The following LONRF1 variants were observed in gnomAD, a reference collection of about 807,000 sequenced individuals.
LONRF1 encodes LON peptidase N-terminal domain and ring finger 1.
Under a neutral mutation model 85.8 loss-of-function variants are expected in LONRF1, and 37 were observed. The observed-to-expected ratio is 0.43, with a 90% confidence interval of 0.33 to 0.57. The LOEUF is 0.57. Ranked by LOEUF, LONRF1 falls within the 20% of genes least tolerant of loss-of-function variation. The pLI, the probability that LONRF1 is intolerant of heterozygous loss-of-function variation, is 0.04. For synonymous variants in LONRF1, 517 were observed against 390.1 expected (o/e 1.33, Z -3.83); for missense variants, 1,036 against 978.0 (o/e 1.06, Z -0.79).
chr8:12,743,922 T>G (rs976548557), intron 1 of LONRF1, among the ~76,000 whole-genome samples: 3 of 152,184 alleles, frequency 2.0e-5, no homozygotes, highest in African/African-American at 7.2e-5. Context: ...GTGATTCATT[T>G]CACTATCATC....
rs368347831 is a variant in LONRF1, at chr8:12,725,778, G to A, written c.2112C>T (p.Ser704=). 6.8e-6 allele frequency: 11 copies of A among 1,613,608 alleles called. No homozygotes were observed. In the African/African-American group the frequency reaches 1.5e-4, roughly 22 times the overall value. ...TTGATCCGAAATGCTGAAGAATTTG[G>A]CTTCGAAATCTGTCTCTTAAATTCT... The part of the protein sequence containing the change: ...WFQNLRDRFR[S]QILQHFGSMP... The change falls in exon 11 of 12, where the codon AGC becomes AGT. Residue 704 remains serine, a synonymous_variant. Coordinates refer to ENST00000398246, the MANE Select transcript of LONRF1 (RefSeq NM_152271.5).
intron 2 of LONRF1, among the ~76,000 whole-genome samples, chr8:12,741,797 T>G (rs1332666665): frequency 6.6e-6 from 1 of 152,190 alleles, no homozygotes; most frequent in Admixed American, 6.5e-5. Flanking sequence ...ACATGACACT[T>G]TTCATAAATC....
At chr8:12,745,617 G>A (rs1348561090) in intron 1 of LONRF1, among the ~76,000 whole-genome samples, 1 of 152,202 alleles carries the variant, frequency 6.6e-6, no homozygotes, top group Non-Finnish European at 1.5e-5. Context: ...TCACCTCACT[G>A]CACACGCCAT....
In LONRF1 at chr8:12,738,083, C is replaced by G. The variant is rs754761099; in HGVS notation, c.1025G>C (p.Ser342Thr). ...LKEGLKESSW[S>T]SLPCTKNRPF... ...TCTGTTTTTAGTACATGGTAATGAACTCCAGGAAGATTCCTTCAGGCCTTC... is the reference window on the plus strand; with the variant it reads ...TCTGTTTTTAGTACATGGTAATGAAGTCCAGGAAGATTCCTTCAGGCCTTC... The change falls in exon 4 of 12, where the codon AGT (serine) becomes ACT (threonine). Residue 342 changes from serine to threonine, a missense_variant. By Grantham distance (58) the Ser-to-Thr change is moderately conservative. Transcript: ENST00000398246. 2 of 1,608,880 alleles carry G rather than the reference C, an allele frequency of 1.2e-6. No individual in the cohort carries two copies. The highest frequency in any genetic ancestry group is 1.1e-5 in the South Asian group (1 of 89,624).
intron 1 of LONRF1, among the ~76,000 whole-genome samples, chr8:12,748,291 A>G (rs1335580277): frequency 6.6e-6 from 1 of 151,998 alleles, no homozygotes; most frequent in Admixed American, 6.6e-5. Context: ...CGCAGCCTCG[A>G]CCTCCTATGC....
rs1345460839 is a variant in LONRF1 at position 12,722,229 on chromosome 8, C to A, written c.*867G>T. 1 of 152,194 alleles carries A rather than the reference C, an allele frequency of 6.6e-6. No individual in the cohort carries two copies. The highest frequency in any genetic ancestry group is 1.5e-5 in the Non-Finnish European group (1 of 67,974). 9.4% of individuals were successfully genotyped at this position (152,194 alleles called of 1,614,324 possible). ...TTATACTATGCATTTTTTTTTAAAACAAACACATCATGTCAAACTATAAAT... is the reference window on the plus strand; with the variant it reads ...TTATACTATGCATTTTTTTTTAAAAAAAACACATCATGTCAAACTATAAAT... On this transcript the variant is annotated 3_prime_UTR_variant, in exon 12 of 12. Coordinates refer to ENST00000398246, the MANE Select transcript of LONRF1 (RefSeq NM_152271.5).
chr8:12,755,165 G>T lies in LONRF1; in HGVS notation c.256C>A (p.Leu86Met). 1 of 1,412,264 alleles carries T rather than the reference G, an allele frequency of 7.1e-7. No individual in the cohort carries two copies. Among genetic ancestry groups the T allele is most frequent in the Non-Finnish European group, 9.2e-7 (1 of 1,084,982 alleles). 87.5% of individuals were successfully genotyped at this position (1,412,264 alleles called of 1,614,324 possible). ...ACCAGGCAGTCCACCAGGGCGCCCAGGCACTCGGGCCTGGCCGGGGCCCCG... is the reference window on the plus strand; with the variant it reads ...ACCAGGCAGTCCACCAGGGCGCCCATGCACTCGGGCCTGGCCGGGGCCCCG... ...RRGAPARPEC[L>M]GALVDCLVFN... Residue 86 changes from leucine to methionine, a missense_variant, in exon 1 of 12, where the codon CTG becomes ATG. Leu to Met is a conservative substitution (Grantham distance 15, BLOSUM62 2). Around this residue, in one of 3 missense-constraint regions of LONRF1, gnomAD observed 742 missense variants for 614.4 expected, o/e 1.21. Coordinates refer to ENST00000398246, the MANE Select transcript of LONRF1 (RefSeq NM_152271.5).
At chr8:12,752,853 CA>C (rs1222639187) in intron 1 of LONRF1, among the ~76,000 whole-genome samples, 1 of 152,010 alleles carries the variant, frequency 6.6e-6, no homozygotes, top group South Asian at 2.1e-4. Context: ...CCTCAGTGAC[CA>C]AAAAAACTTC....
chr8:12,728,192 G>C (rs968477962), intron 10 of LONRF1, among the ~76,000 whole-genome samples: 2 of 152,130 alleles, frequency 1.3e-5, no homozygotes, highest in South Asian at 4.1e-4. Flanking sequence ...GGTATTTGTA[G>C]CATCATAAGT....
rs759053128 is a variant in LONRF1 at position 12,736,735 on chromosome 8, C to G, written c.1417G>C (p.Asp473His). 6.2e-7 allele frequency: 1 copy of G among 1,611,208 alleles called. No individual in the cohort carries two copies. The highest frequency in any genetic ancestry group is 8.5e-7 in the Non-Finnish European group (1 of 1,178,734). ...AGAGAACACTCGAAATCTGAGACATCGATTAATTCTTCTGGAATATCACCA... is the reference window on the plus strand; with the variant it reads ...AGAGAACACTCGAAATCTGAGACATGGATTAATTCTTCTGGAATATCACCA... ...AYGDIPEELI[D>H]VSDFECSLCM... Residue 473 changes from aspartate to histidine, a missense_variant, in exon 6 of 12, where the codon GAT becomes CAT. This residue lies in a region of LONRF1 where 29 missense variants were observed against 62.1 expected (regional missense o/e 0.47). Coordinates refer to ENST00000398246, the MANE Select transcript of LONRF1 (RefSeq NM_152271.5).
intron 2 of LONRF1, among the ~76,000 whole-genome samples, 180 bp from the exon 3 acceptor site, chr8:12,741,176 G>A (rs981827995): frequency 6.6e-6 from 1 of 152,156 alleles, no homozygotes; most frequent in Non-Finnish European, 1.5e-5. Flanking sequence ...TTGAGTTCAG[G>A]AGTTCGAGAC....
intron 7 of LONRF1, 126 bp from the exon 8 acceptor site, chr8:12,731,983 G>T: frequency 1.1e-6 from 1 of 877,964 alleles, no homozygotes; most frequent in Non-Finnish European, 1.7e-6. Context: ...ATTAATTAGT[G>T]AGGGGAACAT....
chr8:12,748,517 C>G (rs1195098711), intron 1 of LONRF1, among the ~76,000 whole-genome samples: 1 of 152,156 alleles, frequency 6.6e-6, no homozygotes, highest in Non-Finnish European at 1.5e-5. Flanking sequence ...TAAAGATATA[C>G]AACATTTCCA....
At chr8:12,740,391 C>T (rs1375907610) in intron 3 of LONRF1, among the ~76,000 whole-genome samples, 2 of 152,244 alleles carry the variant, frequency 1.3e-5, no homozygotes, top group South Asian at 4.1e-4. Context: ...CCCCCATCTC[C>T]TATCTTTAAA....
At chr8:12,745,076 A>G (rs879313672) in intron 1 of LONRF1, among the ~76,000 whole-genome samples, 8 of 151,964 alleles carry the variant, frequency 5.3e-5, no homozygotes, top group Admixed American at 1.3e-4. Context: ...TATAAAATGT[A>G]TCCACTCTGA....
chr8:12,749,675 A>G (rs1799301465), intron 1 of LONRF1, among the ~76,000 whole-genome samples: 1 of 152,172 alleles, frequency 6.6e-6, no homozygotes, highest in South Asian at 2.1e-4. Flanking sequence ...GGACACTTGA[A>G]TCAGTTTTTT....
intron 10 of LONRF1, 125 bp from the exon 11 acceptor site, chr8:12,726,004 C>A: frequency 1.3e-6 from 1 of 791,020 alleles, no homozygotes; most frequent in East Asian, 2.6e-5. Context: ...TGCTGACGTC[C>A]CAGAGAGTAT....
At chr8:12,753,167 C>G (rs1585265853) in intron 1 of LONRF1, 1 of 152,092 alleles carries the variant, frequency 6.6e-6, no homozygotes, top group East Asian at 1.9e-4. Context: ...CTATTTTATA[C>G]CTGCCTACTC....
chr8:12,747,326 T>C (rs1799201717), intron 1 of LONRF1, among the ~76,000 whole-genome samples: 1 of 152,240 alleles, frequency 6.6e-6, no homozygotes, highest in Non-Finnish European at 1.5e-5. Flanking sequence ...TAGAGATCCA[T>C]GGTTAGTAAC....
Sources: allele counts gnomAD v4.1 joint callset (sites outside exome capture counted in the v4.1 genomes callset), GRCh38; gene constraint gnomAD v4.1.1; regional missense constraint gnomAD v4.1.1; transcripts MANE v1.5; gene names NCBI Gene and HGNC (gene_info 2026-07-23, HGNC 2026-07-21).